Variants in INTS2 observed in about 807,000 individuals in gnomAD.
The protein encoded by INTS2 is integrator complex subunit 2.
INTS2 carries 57 observed loss-of-function variants against 139.6 expected under a neutral mutation model. The ratio of observed to expected loss-of-function variants is 0.41; its 90% CI spans 0.33 to 0.51. The LOEUF (loss-of-function observed/expected upper bound fraction) is 0.51, where lower values mean the gene tolerates loss of function less well. INTS2 is among the 20% of genes least tolerant of loss of function. INTS2 has a pLI of 0.28. For synonymous variants in INTS2, 473 were observed against 493.4 expected, an observed-to-expected ratio of 0.96 and a Z score of 0.55; for missense variants, 1,196 against 1,436.7, an observed-to-expected ratio of 0.83 and a Z score of 2.71.
chr17:61,896,239 C>CAAA (rs1197473910), intron 11 of INTS2, among the ~76,000 whole-genome samples: 11 of 45,044 alleles, frequency 2.4e-4, no homozygotes, highest in East Asian at 9.3e-4. Context: ...GACTCCATCT[C>CAAA]AAAAAAAAAA....
chr17:61,906,185 G>A (rs752262289), intron 8 of INTS2, among the ~76,000 whole-genome samples: 5 of 152,156 alleles, frequency 3.3e-5, no homozygotes, highest in Non-Finnish European at 5.9e-5. Context: ...AACATTCTGA[G>A]TGCCAATATG....
At chr17:61,890,707 A>G (rs1377334432) in intron 14 of INTS2, among the ~76,000 whole-genome samples, 1 of 151,586 alleles carries the variant, frequency 6.6e-6, no homozygotes, top group African/African-American at 2.4e-5. Flanking sequence ...TATCCCACAC[A>G]GTACTTGATC....
Position 61,872,099 on chromosome 17 carries a change from TACTC to T in INTS2, c.2778+162_2778+165del. On this transcript the variant is annotated intron_variant, in intron 20 of 24. Coordinates refer to ENST00000251334, the MANE Select transcript of INTS2 (RefSeq NM_001351695.2). The surrounding 1 kb of genome is among the most constrained non-coding windows in gnomAD (Gnocchi z 4.8). ...GATTTCAGAAATACAACATATCTGA[TACTC>T]AGAAGCAAAGGTAACATCATTGTAA... The T allele has an allele frequency of 6.7e-6, 3 of 449,382 alleles. No individual in the cohort carries two copies. The East Asian group carries it at 9.2e-5, about 14-fold the overall frequency. The allele number at this position is 449,382 out of a possible 1,614,324, so 27.8% of individuals were successfully genotyped here.
intron 8 of INTS2, 141 bp from the exon 9 acceptor site, chr17:61,904,726 C>A: frequency 1.4e-6 from 1 of 691,248 alleles, no homozygotes; most frequent in Non-Finnish European, 2.3e-6. Flanking sequence ...CTCAAGTTGC[C>A]AAATGCAAAA....
intron 1 of INTS2, chr17:61,927,115 G>A (rs1192701207): frequency 1.6e-5 from 3 of 192,856 alleles, no homozygotes; most frequent in Non-Finnish European, 3.3e-5. Context: ...TACCCCGATA[G>A]TTTCACATGC....
At chr17:61,920,842 T>C (rs1277141735) in intron 4 of INTS2, among the ~76,000 whole-genome samples, 1 of 151,634 alleles carries the variant, frequency 6.6e-6, no homozygotes, top group Non-Finnish European at 1.5e-5. Context: ...CAGAGTGCAA[T>C]GGCACAATCA....
At chr17:61,907,753 CG>C in intron 7 of INTS2, 119 bp from the exon 8 acceptor site, 1 of 712,498 alleles carries the variant, frequency 1.4e-6, no homozygotes, top group Non-Finnish European at 2.3e-6. Context: ...AAGAGATTGT[CG>C]TGACTACAGA....
intron 4 of INTS2, chr17:61,921,253 G>A (rs969237228): frequency 6.6e-6 from 1 of 152,276 alleles, no homozygotes; most frequent in African/African-American, 2.4e-5. Flanking sequence ...AGGCTGAAGT[G>A]GGAGGATCCC....
At chr17:61,902,294 T>C (rs2079414570) in intron 9 of INTS2, among the ~76,000 whole-genome samples, 1 of 152,212 alleles carries the variant, frequency 6.6e-6, no homozygotes, top group Admixed American at 6.5e-5. Context: ...GAAATTTTCC[T>C]GAATAAATTT....
Position 61,874,996 on chromosome 17 carries a change from C to T in INTS2, c.2499G>A (p.Lys833=), listed in dbSNP as rs1199726021. The T allele has an allele frequency of 3.1e-6, 5 of 1,597,808 alleles. No homozygotes were observed. Among genetic ancestry groups the T allele is most frequent in the East Asian group, 2.2e-5 (1 of 44,538 alleles). The stretch of plus-strand genomic sequence containing the variant: ...GAGTATACTTTTGTTGTCGTACAAA[C>T]TTTATTGAAGGCTGAAGTGCATTAA... The part of the protein sequence containing the change: ...MTVNALQPSI[K]FVRQQKYTQN... Residue 833 remains lysine (K), a synonymous_variant, in exon 19 of 25, where the codon AAG becomes AAA. Transcript: ENST00000251334.
Position 61,866,924 on chromosome 17 carries a change from T to C in INTS2, c.*633A>G, listed in dbSNP as rs1039675358. The C allele has an allele frequency of 2.6e-5, 4 of 152,334 alleles. No individual in the cohort carries two copies. The highest frequency in any genetic ancestry group is 9.6e-5 in the African/African-American group (4 of 41,590). 9.4% of individuals were successfully genotyped at this position (152,334 alleles called of 1,614,324 possible). ...ATATTAATAAAAATTGAAGCAAATA[T>C]GTGAAATCTTTAAATCCTCATCTGT... On this transcript the variant is annotated 3_prime_UTR_variant, in exon 25 of 25. Coordinates refer to ENST00000251334, the MANE Select transcript of INTS2 (RefSeq NM_001351695.2).
At chr17:61,924,616 C>T (rs1431721097) in intron 3 of INTS2, among the ~76,000 whole-genome samples, 2 of 152,014 alleles carry the variant, frequency 1.3e-5, no homozygotes, top group African/African-American at 4.8e-5. Flanking sequence ...TTCAGGAGTT[C>T]GAGACCAGCC....
chr17:61,915,808 A>C (rs2079576649), intron 5 of INTS2, among the ~76,000 whole-genome samples: 1 of 129,770 alleles, frequency 7.7e-6, no homozygotes, highest in South Asian at 2.6e-4. Context: ...ACAGAGCAAG[A>C]CTCTGTCTAA....
At chr17:61,899,966 A>C (rs1271239496) in intron 9 of INTS2, among the ~76,000 whole-genome samples, 1 of 152,086 alleles carries the variant, frequency 6.6e-6, no homozygotes, top group Admixed American at 6.6e-5. Context: ...TAATGTTTAG[A>C]AAGTACTTCA....
chr17:61,897,578 G>A lies in INTS2; in HGVS notation c.1385C>T (p.Ser462Leu). 6.3e-7 allele frequency: 1 copy of A among 1,599,026 alleles called. No homozygotes were observed. Among genetic ancestry groups the A allele is most frequent in the Non-Finnish European group, 8.5e-7 (1 of 1,171,968 alleles). The part of the protein sequence containing the change: ...IKEEAYFEST[S>L]GVSASFGEML... Reference sequence around the variant, plus strand: ...CTCCCCAAAAGAAGCAGAGACGCCTGAAGTACTGTCAAAACAAAATAGGAA... The same window carrying A: ...CTCCCCAAAAGAAGCAGAGACGCCTAAAGTACTGTCAAAACAAAATAGGAA... The change falls in exon 11 of 25, where the codon TCA becomes TTA. Residue 462 changes from serine (S) to leucine (L), a missense_variant. Physicochemically the swap from Ser to Leu is moderately radical, Grantham distance 145 (BLOSUM62 -2). This residue lies in a region of INTS2 where 1,129 missense variants were observed against 1,341.9 expected (regional missense o/e 0.84). Coordinates refer to ENST00000251334, the MANE Select transcript of INTS2 (RefSeq NM_001351695.2). This position sits in a 1 kb window ranked among gnomAD's most constrained non-coding sequence, Gnocchi z 4.4.
intron 19 of INTS2, among the ~76,000 whole-genome samples, chr17:61,874,592 A>C (rs937314600): frequency 2.0e-5 from 3 of 152,184 alleles, no homozygotes; most frequent in African/African-American, 2.4e-5. Flanking sequence ...GTTTTTTAAA[A>C]ACCTTTTTAA....
intron 9 of INTS2, among the ~76,000 whole-genome samples, chr17:61,901,385 AAAG>A (rs1379549507): frequency 6.6e-6 from 1 of 151,526 alleles, no homozygotes; most frequent in African/African-American, 2.4e-5. Context: ...AGCTTAGAGA[AAAG>A]AAGCAATACA....
At position 61,909,815 on chromosome 17, in the gene INTS2, ATGTG is replaced by A. The variant is rs765163741; in HGVS notation, c.954+1701_954+1704del. 3.2e-4 allele frequency among the ~76,000 whole-genome samples: 23 copies of A among 72,546 alleles called. No homozygotes were observed. The highest frequency in any genetic ancestry group is 2.6e-3 in the East Asian group (3 of 1,162). 47.6% of individuals were successfully genotyped at this position (72,546 alleles called of 152,430 possible). A position where few individuals can be genotyped will look rare whatever the true frequency, so the allele number is the denominator to read the frequency against. ...TATACATATATACGTGTGTGTGTAC[ATGTG>A]TGTATGTGTGTGTGTGTGTGTGTGT... On this transcript the variant is annotated intron_variant, in intron 7 of 24. Transcript: ENST00000251334. This position sits in a 1 kb window ranked among gnomAD's most constrained non-coding sequence, Gnocchi z 4.9.
At chr17:61,912,373 C>G (rs867715960) in intron 5 of INTS2, among the ~76,000 whole-genome samples, 6 of 40,908 alleles carry the variant, frequency 1.5e-4, no homozygotes, top group East Asian at 6.4e-4. Flanking sequence ...AAGGTGGGGG[C>G]GGGGGGGGGG....
Sources: gnomAD v4.1 joint callset for allele counts (sites outside exome capture counted in the v4.1 genomes callset) on GRCh38, gnomAD v4.1.1 for gene constraint, gnomAD v4.1.1 regional missense constraint, Gnocchi (gnomAD v3.1) non-coding constraint, MANE v1.5 for transcripts, NCBI Gene and HGNC (gene_info 2026-07-23, HGNC 2026-07-21) for gene names.